PRKCH: variants seen among roughly 807,000 people sequenced by gnomAD.
The protein encoded by PRKCH is protein kinase C eta type.
PRKCH carries 28 observed loss-of-function variants against 82.5 expected under a neutral mutation model. The observed-to-expected ratio is 0.34, with a 90% confidence interval of 0.25 to 0.47. The LOEUF (loss-of-function observed/expected upper bound fraction) is 0.47, where lower values mean the gene tolerates loss of function less well. Among genes scored for constraint, PRKCH ranks in the 20% least tolerant of loss-of-function variants. The probability of loss-of-function intolerance (pLI) is 1.00; values close to 1 mark genes in which losing one functional copy is unlikely to be tolerated. For synonymous variants in PRKCH, 322 were observed against 327.4 expected (o/e 0.98, Z 0.18); for missense variants, 705 against 881.8 (o/e 0.80, Z 2.54).
chr14:61,408,624 G>C (rs1196535084), intron 2 of PRKCH, among the ~76,000 whole-genome samples: 1 of 152,094 alleles, frequency 6.6e-6, no homozygotes, highest in Admixed American at 6.6e-5. Context: ...TGCTGCAAAG[G>C]TTACATGAGC....
At chr14:61,391,009 A>G (rs2046670579) in intron 1 of PRKCH, among the ~76,000 whole-genome samples, 1 of 152,236 alleles carries the variant, frequency 6.6e-6, no homozygotes. Flanking sequence ...AAAATTCAAG[A>G]GGAAGGAAAC....
intron 2 of PRKCH, among the ~76,000 whole-genome samples, chr14:61,402,168 C>T (rs988944049): frequency 6.6e-6 from 1 of 152,250 alleles, no homozygotes; most frequent in Non-Finnish European, 1.5e-5. Flanking sequence ...TAGAAGATGA[C>T]TTCCAATGAT....
chr14:61,526,982 C>G (rs2042973561), intron 10 of PRKCH, among the ~76,000 whole-genome samples: 1 of 152,254 alleles, frequency 6.6e-6, no homozygotes, highest in Non-Finnish European at 1.5e-5. Context: ...CAAGCTGTTG[C>G]TCTGTCCAGT....
At chr14:61,468,306 G>A (rs150774905) in intron 9 of PRKCH, among the ~76,000 whole-genome samples, 1 of 152,164 alleles carries the variant, frequency 6.6e-6, no homozygotes, top group East Asian at 1.9e-4. Flanking sequence ...TCCTGTCTCT[G>A]CATGTTCCTA....
chr14:61,231,753 G>A (rs2044746693), intron 1 of PRKCH, among the ~76,000 whole-genome samples: 1 of 152,034 alleles, frequency 6.6e-6, no homozygotes, highest in African/African-American at 2.4e-5. Context: ...CTGATGAAAT[G>A]TAGAGATCTT....
intron 12 of PRKCH, chr14:61,544,442 C>CT (rs2043228346): frequency 6.6e-6 from 1 of 152,218 alleles, no homozygotes; most frequent in Admixed American, 6.5e-5. Context: ...TAAAATGTGT[C>CT]TGAGACCTAG....
chr14:61,512,715 T>A (rs1017706140), intron 10 of PRKCH, among the ~76,000 whole-genome samples: 1 of 152,180 alleles, frequency 6.6e-6, no homozygotes, highest in Non-Finnish European at 1.5e-5. Flanking sequence ...CAGGAGTGAT[T>A]TGTCTTGTCT....
chr14:61,251,882 C>T (rs1234321183), intron 1 of PRKCH, among the ~76,000 whole-genome samples: 1 of 151,960 alleles, frequency 6.6e-6, no homozygotes, highest in Non-Finnish European at 1.5e-5. Flanking sequence ...CTCTGTCGCC[C>T]AGGCTGGAGT....
At chr14:61,196,669 T>C (rs77846671) in intron 1 of PRKCH, among the ~76,000 whole-genome samples, 1 of 152,240 alleles carries the variant, frequency 6.6e-6, no homozygotes, top group African/African-American at 2.4e-5. Flanking sequence ...TTCCAATCTG[T>C]GCCTGTCAGG....
At chr14:61,358,264 G>C (rs2046177877) in intron 1 of PRKCH, among the ~76,000 whole-genome samples, 1 of 152,136 alleles carries the variant, frequency 6.6e-6, no homozygotes. Context: ...ACAGTGCCTG[G>C]CTCAGAATAA....
At chr14:61,249,567 A>G (rs190508375) in intron 1 of PRKCH, among the ~76,000 whole-genome samples, 17 of 150,616 alleles carry the variant, frequency 1.1e-4, no homozygotes, top group African/African-American at 3.6e-4. Flanking sequence ...TGTGAAGACC[A>G]TGATAAACAG....
intron 1 of PRKCH, among the ~76,000 whole-genome samples, chr14:61,376,942 G>C (rs2046435048): frequency 6.6e-6 from 1 of 152,158 alleles, no homozygotes; most frequent in East Asian, 1.9e-4. Context: ...CCCCATGTTG[G>C]CAGGGTAAAT....
intron 1 of PRKCH, among the ~76,000 whole-genome samples, chr14:61,270,635 T>C (rs2045143193): frequency 6.6e-6 from 1 of 152,200 alleles, no homozygotes; most frequent in African/African-American, 2.4e-5. Context: ...CCTTGTGCAT[T>C]ACTTGAGTCT....
intron 1 of PRKCH, among the ~76,000 whole-genome samples, chr14:61,218,844 C>A (rs1308689739): frequency 6.6e-6 from 1 of 152,146 alleles, no homozygotes; most frequent in Non-Finnish European, 1.5e-5. Flanking sequence ...GGCTTTGTAA[C>A]CCGATGCTCT....
intron 1 of PRKCH, among the ~76,000 whole-genome samples, chr14:61,337,099 G>A (rs1159395724): frequency 2.9e-5 from 4 of 136,504 alleles, no homozygotes; most frequent in Admixed American, 7.5e-5. Context: ...AAAGTACATC[G>A]TTTGAATATG....
At chr14:61,222,089 T>C (rs1166112425) in intron 1 of PRKCH, among the ~76,000 whole-genome samples, 2 of 152,144 alleles carry the variant, frequency 1.3e-5, no homozygotes, top group African/African-American at 4.8e-5. Context: ...ACGCCTGCCT[T>C]CTGAAAAAAC....
At chr14:61,378,776 C>T (rs929869371) in intron 1 of PRKCH, among the ~76,000 whole-genome samples, 10 of 152,312 alleles carry the variant, frequency 6.6e-5, no homozygotes, top group Admixed American at 2.6e-4. Context: ...CTCCACCCTA[C>T]CTGCATCAGT....
At chr14:61,384,179 AT>A (rs1026547341) in intron 1 of PRKCH, among the ~76,000 whole-genome samples, 7 of 152,120 alleles carry the variant, frequency 4.6e-5, no homozygotes, top group African/African-American at 1.4e-4. Flanking sequence ...TGGCTCCAGG[AT>A]TTTAAGCCTG....
intron 1 of PRKCH, among the ~76,000 whole-genome samples, chr14:61,215,235 G>T (rs2044608556): frequency 6.6e-6 from 1 of 152,150 alleles, no homozygotes; most frequent in Non-Finnish European, 1.5e-5. Flanking sequence ...ACAACCAGTA[G>T]ACTTTAAGTA....
Sources: allele counts gnomAD v4.1 joint callset (sites outside exome capture counted in the v4.1 genomes callset), GRCh38; gene constraint gnomAD v4.1.1; transcripts MANE v1.5; gene names NCBI Gene and HGNC (gene_info 2026-07-23, HGNC 2026-07-21).